FBXO25: variants seen among roughly 807,000 people sequenced by gnomAD.
FBXO25 encodes the protein F-box protein 25.
Under a neutral mutation model 51.9 loss-of-function variants are expected in FBXO25, and 45 were observed. That is an observed-to-expected ratio of 0.87 (90% CI 0.68 to 1.11). FBXO25 has a LOEUF of 1.11. Among genes scored for constraint, FBXO25 ranks in the 50% most tolerant of loss-of-function variants. The pLI is 0.00. For missense variants in FBXO25, 507 were observed against 428.5 expected (o/e 1.18, Z -1.62); for synonymous variants, 199 against 151.0 (o/e 1.32, Z -2.33).
intron 5 of FBXO25, among the ~76,000 whole-genome samples, chr8:436,250 C>T (rs912800188): frequency 1.1e-4 from 17 of 152,022 alleles, no homozygotes; most frequent in African/African-American, 3.1e-4. Flanking sequence ...CCATATATTC[C>T]ATTTATTGTT....
rs554398317 is a variant in FBXO25, at chr8:407,384, A to T, written c.-8+318A>T. 3,418 of 982,164 alleles carry T rather than the reference A, an allele frequency of 3.5e-3. 5 individuals carry two copies. Among genetic ancestry groups the T allele is most frequent in the Non-Finnish European group, 3.9e-3 (3,254 of 828,672 alleles). 60.8% of individuals were successfully genotyped at this position (982,164 alleles called of 1,614,324 possible). On this transcript the variant is annotated intron_variant, in intron 1 of 9. Coordinates refer to ENST00000350302, the MANE Select transcript of FBXO25 (RefSeq NM_183420.2). ...TGAAGTCTGGGTCCGCGGGCGCGTC[A>T]GGTAGGGACGATGGGCCGCGGGCGC...
Position 474,503 on chromosome 8 carries a change from T to C in FBXO25, c.*5699T>C. 3.0e-6 allele frequency: 1 copy of C among 338,210 alleles called. No individual in the cohort carries two copies. The highest frequency in any genetic ancestry group is 4.5e-5 in the Admixed American group (1 of 22,014). The allele number at this position is 338,210 out of a possible 1,614,324, so 21.0% of individuals were successfully genotyped here. On this transcript the variant is annotated 3_prime_UTR_variant, in exon 10 of 10. Transcript: ENST00000350302. ...TGTTTTACACGGTGGCTGCACCATT[T>C]TACATTCCCACTGAAGGTTCCAGTT...
In FBXO25 at chr8:463,094, G is replaced by C; in HGVS notation, c.931G>C (p.Glu311Gln). The change falls in exon 9 of 10, where the codon GAG becomes CAG. Residue 311 changes from glutamate to glutamine, a missense_variant. Glu to Gln is a conservative substitution (Grantham distance 29, BLOSUM62 2). Coordinates refer to ENST00000350302, the MANE Select transcript of FBXO25 (RefSeq NM_183420.2). ...FALQKHYPAK[E>Q]QYGDTLHFCR... ...ACTTCAGAAACATTACCCAGCGAAGGAGCAGTACGGAGACACACTGCATTT... is the reference window on the plus strand; with the variant it reads ...ACTTCAGAAACATTACCCAGCGAAGCAGCAGTACGGAGACACACTGCATTT... 6.2e-7 allele frequency: 1 copy of C among 1,613,964 alleles called. No homozygotes were observed. The highest frequency in any genetic ancestry group is 8.5e-7 in the Non-Finnish European group (1 of 1,179,982).
intron 8 of FBXO25, among the ~76,000 whole-genome samples, chr8:460,069 A>C (rs77023425): frequency 0.062 from 9,495 of 152,166 alleles, 318 homozygotes; most frequent in Middle Eastern, 0.085. Flanking sequence ...TGGAGGATTT[A>C]GATCCTAGGA....
In FBXO25 at chr8:443,615, C is replaced by T. The variant is rs1189590583; in HGVS notation, c.382-6375C>T. 6.0e-5 allele frequency among the ~76,000 whole-genome samples: 9 copies of T among 150,950 alleles called. No homozygotes were observed. The South Asian group carries it at 6.3e-4, about 11-fold the overall frequency. On this transcript the variant is annotated intron_variant, in intron 5 of 9. Coordinates refer to ENST00000350302, the MANE Select transcript of FBXO25 (RefSeq NM_183420.2). Reference sequence around the variant, plus strand: ...AGCAACTTGTGAGCTGTAGGAGGGGCGCTGGTTCCTAAGCCTGAAGTGGAG... The same window carrying T: ...AGCAACTTGTGAGCTGTAGGAGGGGTGCTGGTTCCTAAGCCTGAAGTGGAG...
intron 6 of FBXO25, 35 bp from the exon 7 acceptor site, chr8:451,234 G>C (rs1408814927): frequency 1.3e-6 from 2 of 1,558,164 alleles, no homozygotes; most frequent in African/African-American, 2.8e-5. Context: ...TTGCTTAACT[G>C]TATCAATCCA....
At position 469,384 on chromosome 8, in the gene FBXO25, C is replaced by T. The variant is rs1047692172; in HGVS notation, c.*580C>T. 4 of 152,360 alleles carry T rather than the reference C, an allele frequency of 2.6e-5. No individual in the cohort carries two copies. 9.4% of individuals were successfully genotyped at this position (152,360 alleles called of 1,614,324 possible). A position where few individuals can be genotyped will look rare whatever the true frequency, so the allele number is the denominator to read the frequency against. ...GGGTATGAAGTGTGCACACGCAGCC[C>T]AACAACGGGCAGTGGTCTCTGTGCT... On this transcript the variant is annotated 3_prime_UTR_variant, in exon 10 of 10. Coordinates refer to ENST00000350302, the MANE Select transcript of FBXO25 (RefSeq NM_183420.2).
At position 477,546 on chromosome 8, in the gene FBXO25, G is replaced by A. The variant is rs1563108264; in HGVS notation, c.*8742G>A. The stretch of plus-strand genomic sequence containing the variant: ...GGATTTCCTTTGAATCCGTGGGGCT[G>A]GGAGTAACTATAAATGAAACAAGAT... On this transcript the variant is annotated 3_prime_UTR_variant, in exon 10 of 10. Coordinates refer to ENST00000350302, the MANE Select transcript of FBXO25 (RefSeq NM_183420.2). 1 of 152,244 alleles carries A rather than the reference G, an allele frequency of 6.6e-6. No homozygotes were observed. The highest frequency in any genetic ancestry group is 2.4e-5 in the African/African-American group (1 of 41,466). The allele number at this position is 152,244 out of a possible 1,614,324, so 9.4% of individuals were successfully genotyped here. A position where few individuals can be genotyped will look rare whatever the true frequency, so the allele number is the denominator to read the frequency against.
At chr8:431,315 T>G (rs1444838922) in intron 2 of FBXO25, 26 bp from the exon 3 acceptor site, 1 of 1,244,182 alleles carries the variant, frequency 8.0e-7, no homozygotes, top group Non-Finnish European at 1.1e-6. Context: ...GAAAAAATAT[T>G]TTAATAGAAT....
intron 2 of FBXO25, among the ~76,000 whole-genome samples, chr8:428,480 C>G (rs1179088401): frequency 6.7e-6 from 1 of 150,188 alleles, no homozygotes; most frequent in Non-Finnish European, 1.5e-5. Flanking sequence ...ATGAACAAGA[C>G]AAGCTGCTAC....
chr8:451,424 C>G lies in FBXO25; in HGVS notation c.631C>G (p.Gln211Glu). ...ATTAGAAACTATTCTCGCCTGGCAACAACAGCTACAGGATCTTCAGATGAC... is the reference window on the plus strand; with the variant it reads ...ATTAGAAACTATTCTCGCCTGGCAAGAACAGCTACAGGATCTTCAGATGAC... ...CRLETILAWQ[Q>E]QLQDLQMTKQ... The change falls in exon 7 of 10, where the codon CAA becomes GAA. Residue 211 changes from glutamine to glutamate, a missense_variant. Coordinates refer to ENST00000350302, the MANE Select transcript of FBXO25 (RefSeq NM_183420.2). 1 of 1,613,856 alleles carries G rather than the reference C, an allele frequency of 6.2e-7. No homozygotes were observed. The highest frequency in any genetic ancestry group is 1.1e-5 in the South Asian group (1 of 91,038).
intron 2 of FBXO25, among the ~76,000 whole-genome samples, chr8:416,857 A>G (rs1330075684): frequency 6.6e-6 from 1 of 152,242 alleles, no homozygotes; most frequent in African/African-American, 2.4e-5. Context: ...ACAGATAGGC[A>G]GTGGACAAGA....
At chr8:421,366 A>G (rs1797143754) in intron 2 of FBXO25, among the ~76,000 whole-genome samples, 1 of 152,190 alleles carries the variant, frequency 6.6e-6, no homozygotes, top group South Asian at 2.1e-4. Flanking sequence ...CCGTTGTGAA[A>G]TGGATGTGGA....
At chr8:467,376 C>T (rs1041520943) in intron 9 of FBXO25, among the ~76,000 whole-genome samples, 15 of 152,204 alleles carry the variant, frequency 9.9e-5, no homozygotes, top group African/African-American at 3.4e-4. Flanking sequence ...ATATAAACTG[C>T]ACATGGAAAT....
At chr8:465,755 CT>C in intron 9 of FBXO25, among the ~76,000 whole-genome samples, 1 of 152,334 alleles carries the variant, frequency 6.6e-6, no homozygotes, top group East Asian at 1.9e-4. Context: ...CATCATGTCA[CT>C]GCTCAAAAGT....
intron 7 of FBXO25, among the ~76,000 whole-genome samples, chr8:453,677 C>T (rs975180932): frequency 1.3e-5 from 2 of 152,080 alleles, no homozygotes; most frequent in African/African-American, 4.8e-5. Flanking sequence ...GGGGTTAGAA[C>T]AGAGCAGCTG....
At chr8:427,004 G>C (rs561461233) in intron 2 of FBXO25, among the ~76,000 whole-genome samples, 94 of 152,062 alleles carry the variant, frequency 6.2e-4, no homozygotes, top group African/African-American at 2.2e-3. Flanking sequence ...TTTATAATTA[G>C]AGACTAATAA....
intron 4 of FBXO25, among the ~76,000 whole-genome samples, chr8:434,136 A>G (rs1206754669): frequency 2.0e-5 from 3 of 152,168 alleles, no homozygotes; most frequent in African/African-American, 7.2e-5. Context: ...GACCAGAACT[A>G]GGACTGGGTG....
Position 418,068 on chromosome 8 carries a change from G to T in FBXO25, c.134+4855G>T, listed in dbSNP as rs182841034. Reference sequence around the variant, plus strand: ...CCAAGTTGTGTGTGTGTCAGTGCAGGTTACACACTGCACAAGGGGAGGGTT... The same window carrying T: ...CCAAGTTGTGTGTGTGTCAGTGCAGTTTACACACTGCACAAGGGGAGGGTT... On this transcript the variant is annotated intron_variant, in intron 2 of 9. Coordinates refer to ENST00000350302, the MANE Select transcript of FBXO25 (RefSeq NM_183420.2). 9.2e-5 allele frequency among the ~76,000 whole-genome samples: 14 copies of T among 152,204 alleles called. No individual in the cohort carries two copies. In the East Asian group the frequency reaches 2.7e-3, roughly 29 times the overall value.
Sources: allele counts gnomAD v4.1 joint callset (sites outside exome capture counted in the v4.1 genomes callset), GRCh38; gene constraint gnomAD v4.1.1; transcripts MANE v1.5; gene names NCBI Gene and HGNC (gene_info 2026-07-23, HGNC 2026-07-21).